The following ARID4B variants were observed in gnomAD, a reference collection of about 807,000 sequenced individuals.
ARID4B encodes AT-rich interactive domain-containing protein 4B.
In ARID4B, 26 loss-of-function variants were observed where a neutral mutation model predicts 147.5. That is an observed-to-expected ratio of 0.18 (90% confidence interval 0.13 to 0.24). The LOEUF (loss-of-function observed/expected upper bound fraction) is 0.24. Ranked by LOEUF, ARID4B falls within the 10% of genes least tolerant of loss-of-function variation. The pLI, the probability that ARID4B is intolerant of heterozygous loss-of-function variation, is 1.00. For missense variants in ARID4B, 1,179 were observed against 1,511.5 expected (o/e 0.78, Z 3.65); for synonymous variants, 512 against 507.9 (o/e 1.01, Z -0.11).
intron 23 of ARID4B, among the ~76,000 whole-genome samples, chr1:235,171,522 T>C (rs948794689): frequency 2.0e-5 from 3 of 152,226 alleles, no homozygotes; most frequent in African/African-American, 7.2e-5. Flanking sequence ...AAATAGTATT[T>C]AGGAACCGAC....
At chr1:235,310,257 C>CT (rs35646085) in intron 2 of ARID4B, among the ~76,000 whole-genome samples, 72,621 of 151,902 alleles carry the variant, frequency 0.48, 17,698 homozygotes, top group South Asian at 0.6. Flanking sequence ...AAATTTAAAA[C>CT]TTTTTCAACA....
chr1:235,302,989 G>C (rs1452452524), intron 2 of ARID4B, among the ~76,000 whole-genome samples: 1 of 150,968 alleles, frequency 6.6e-6, no homozygotes, highest in Non-Finnish European at 1.5e-5. Flanking sequence ...GCAGTGGCGC[G>C]ATCGGCTCAA....
intron 16 of ARID4B, 100 bp downstream of exon 16, chr1:235,219,691 ATT>A (rs1365677903): frequency 2.1e-6 from 2 of 935,310 alleles, no homozygotes; most frequent in South Asian, 1.7e-5. Context: ...ATTATTTAAT[ATT>A]TTGTCAATTA....
intron 17 of ARID4B, among the ~76,000 whole-genome samples, chr1:235,206,209 T>C (rs1168525641): frequency 6.6e-6 from 1 of 152,196 alleles, no homozygotes; most frequent in South Asian, 2.1e-4. Flanking sequence ...GGAGAATAGA[T>C]ATGAAACAGA....
chr1:235,172,561 G>A, intron 23 of ARID4B, 57 bp downstream of exon 23: 1 of 1,274,862 alleles, frequency 7.8e-7, no homozygotes, highest in Non-Finnish European at 1.0e-6. Context: ...CTGGCGACAA[G>A]AGTGAAACTC....
chr1:235,253,557 T>C (rs1006627973), intron 5 of ARID4B, among the ~76,000 whole-genome samples: 1 of 152,236 alleles, frequency 6.6e-6, no homozygotes, highest in African/African-American at 2.4e-5. Context: ...TATATTTGCC[T>C]ATCAAATCAT....
Position 235,186,679 on chromosome 1 carries a change from A to T in ARID4B, c.2126-3886T>A, listed in dbSNP as rs756339107. ...CGGCCTCCCAAAGTGCTGGGATTAC[A>T]GGTGTGAGCCACTGTGCCCAGCTCT... On this transcript the variant is annotated intron_variant, in intron 19 of 23. Coordinates refer to ENST00000264183, the MANE Select transcript of ARID4B (RefSeq NM_016374.6). Among the ~76,000 whole-genome samples the T allele has an allele frequency of 2.0e-5, 3 of 152,020 alleles. No individual in the cohort carries two copies. In the South Asian group the frequency reaches 6.2e-4, roughly 32 times the overall value.
chr1:235,322,885 G>A (rs1248099664), intron 2 of ARID4B, among the ~76,000 whole-genome samples: 1 of 151,494 alleles, frequency 6.6e-6, no homozygotes, highest in East Asian at 1.9e-4. Flanking sequence ...GAGGTAGGGG[G>A]AGAGAGAGAG....
intron 17 of ARID4B, among the ~76,000 whole-genome samples, chr1:235,196,866 A>AAG (rs1356034428): frequency 1.3e-5 from 2 of 151,436 alleles, no homozygotes; most frequent in Middle Eastern, 3.2e-3. Context: ...AAAAAAAAAA[A>AAG]AAAAAGAAAT....
intron 10 of ARID4B, among the ~76,000 whole-genome samples, chr1:235,230,423 A>T (rs1463474877): frequency 6.9e-6 from 1 of 144,664 alleles, no homozygotes; most frequent in East Asian, 1.9e-4. Context: ...AAACAAAACA[A>T]AACAAAACAA....
At chr1:235,195,771 G>A (rs923002360) in intron 18 of ARID4B, among the ~76,000 whole-genome samples, 2 of 152,104 alleles carry the variant, frequency 1.3e-5, no homozygotes, top group African/African-American at 4.8e-5. Flanking sequence ...GAACTAGAGG[G>A]GAAGGAAATG....
intron 6 of ARID4B, among the ~76,000 whole-genome samples, chr1:235,252,274 T>C (rs900560810): frequency 1.3e-5 from 2 of 152,040 alleles, no homozygotes; most frequent in Admixed American, 1.3e-4. Flanking sequence ...TCTGAAAGGA[T>C]GATAAGGAAT....
intron 2 of ARID4B, among the ~76,000 whole-genome samples, chr1:235,263,714 C>T (rs933013247): frequency 1.3e-4 from 19 of 151,460 alleles, no homozygotes; most frequent in Admixed American, 1.3e-3. Context: ...GAGGGCTGGG[C>T]GCGGGACTCA....
chr1:235,246,591 A>G (rs2103083891), intron 6 of ARID4B, 80 bp from the exon 7 acceptor site: 1 of 972,748 alleles, frequency 1.0e-6, no homozygotes. Context: ...TCAATTTAAG[A>G]ATATGCTCAG....
At chr1:235,234,186 AGT>A (rs766061257) in intron 9 of ARID4B, among the ~76,000 whole-genome samples, 69 of 152,306 alleles carry the variant, frequency 4.5e-4, no homozygotes, top group Non-Finnish European at 7.9e-4. Flanking sequence ...GACAGTACTG[AGT>A]GTCTAGTTTG....
In ARID4B at chr1:235,168,465, A is replaced by G. The variant is rs1045590151; in HGVS notation, c.*60T>C. The G allele has an allele frequency of 1.9e-6, 3 of 1,587,160 alleles. No individual in the cohort carries two copies. The highest frequency in any genetic ancestry group is 1.3e-5 in the African/African-American group (1 of 74,144). On this transcript the variant is annotated 3_prime_UTR_variant, in exon 24 of 24. Coordinates refer to ENST00000264183, the MANE Select transcript of ARID4B (RefSeq NM_016374.6). ...ATATTTTTTTGTGCCACTGTGCAGT[A>G]TAAAAAAAAAGTGGCCCTCAACAGC...
chr1:235,171,244 T>A (rs1663337711), intron 23 of ARID4B, among the ~76,000 whole-genome samples: 1 of 152,046 alleles, frequency 6.6e-6, no homozygotes, highest in Non-Finnish European at 1.5e-5. Flanking sequence ...TCCTGCATCC[T>A]GGCCAACATG....
intron 22 of ARID4B, among the ~76,000 whole-genome samples, chr1:235,173,791 T>TATATATATATATATATATACCTAAAAC (rs1663618484): frequency 1.5e-5 from 1 of 67,778 alleles, no homozygotes; most frequent in Non-Finnish European, 2.8e-5. Context: ...TATATATATA[T>TATATATATATATATATATACCTAAAAC]ATATATATAT....
intron 11 of ARID4B, among the ~76,000 whole-genome samples, chr1:235,227,383 G>C (rs1667896695): frequency 6.6e-6 from 1 of 152,090 alleles, no homozygotes; most frequent in African/African-American, 2.4e-5. Context: ...AAGCAGTCAG[G>C]GAGAAGACTG....
Sources: gnomAD v4.1 joint callset for allele counts (sites outside exome capture counted in the v4.1 genomes callset) on GRCh38, gnomAD v4.1.1 for gene constraint, MANE v1.5 for transcripts, NCBI Gene and HGNC (gene_info 2026-07-23, HGNC 2026-07-21) for gene names.